Variants in SMYD3 observed in about 807,000 individuals in gnomAD.
SMYD3 encodes histone-lysine N-methyltransferase SMYD3.
A neutral mutation model predicts 57.7 loss-of-function variants in SMYD3; 36 were observed. The observed-to-expected ratio is 0.62, with a 90% CI of 0.48 to 0.82. The LOEUF is 0.82. SMYD3 is among the 40% of genes least tolerant of loss of function. The probability of loss-of-function intolerance (pLI) is 0.00; values close to 1 mark genes in which losing one functional copy is unlikely to be tolerated. For missense variants in SMYD3, 515 were observed against 538.8 expected (o/e 0.96, Z 0.44); for synonymous variants, 211 against 195.0 (o/e 1.08, Z -0.68).
intron 5 of SMYD3, among the ~76,000 whole-genome samples, chr1:246,314,544 C>T (rs773919161): frequency 1.3e-5 from 2 of 152,166 alleles, no homozygotes; most frequent in African/African-American, 2.4e-5. Context: ...GAGTGCGGCA[C>T]TAGGAAACTT....
intron 8 of SMYD3, among the ~76,000 whole-genome samples, chr1:245,877,796 C>T (rs2052568252): frequency 6.6e-6 from 1 of 152,146 alleles, no homozygotes; most frequent in Admixed American, 6.5e-5. Context: ...AAGATGTCTG[C>T]AGAGAATCCA....
chr1:246,052,872 T>C (rs1039436344), intron 5 of SMYD3: 3 of 152,330 alleles, frequency 2.0e-5, no homozygotes, highest in East Asian at 1.9e-4. Context: ...TGTCCTAGAA[T>C]AGGTGTTGCA....
intron 5 of SMYD3, among the ~76,000 whole-genome samples, chr1:246,040,670 G>C (rs1164315310): frequency 6.6e-6 from 1 of 152,054 alleles, no homozygotes; most frequent in Non-Finnish European, 1.5e-5. Context: ...ATGACTCATG[G>C]GGCTCCCGTA....
rs565219573 is a variant in SMYD3, at chr1:245,865,385, T to C, written c.814-1499A>G. On this transcript the variant is annotated intron_variant, in intron 8 of 11. Transcript: ENST00000490107. The stretch of plus-strand genomic sequence containing the variant: ...GTCTGATGTTTATTATGTGCAACAA[T>C]TCAGAGGTGAAATATTCTTCTTCCC... Among the ~76,000 whole-genome samples, 113 of 152,286 alleles carry C rather than the reference T, an allele frequency of 7.4e-4. 1 individual carries two copies. Among genetic ancestry groups the C allele is most frequent in the African/African-American group, 2.5e-3 (105 of 41,568 alleles).
At chr1:246,141,368 C>G (rs2061752868) in intron 5 of SMYD3, among the ~76,000 whole-genome samples, 2 of 152,206 alleles carry the variant, frequency 1.3e-5, no homozygotes, top group South Asian at 4.1e-4. Flanking sequence ...CAGGATACAG[C>G]TACCAAAAAG....
intron 10 of SMYD3, among the ~76,000 whole-genome samples, chr1:245,778,748 T>A (rs911994027): frequency 4.6e-5 from 7 of 152,296 alleles, no homozygotes; most frequent in African/African-American, 1.7e-4. Context: ...GGGGAAAATC[T>A]TCATGACCCT....
At chr1:246,129,077 T>A (rs139162257) in intron 5 of SMYD3, among the ~76,000 whole-genome samples, 365 of 152,186 alleles carry the variant, frequency 2.4e-3, no homozygotes, top group Non-Finnish European at 2.1e-3. Flanking sequence ...GGATTACAGG[T>A]GTGTGGCCCT....
intron 1 of SMYD3, among the ~76,000 whole-genome samples, chr1:246,407,831 C>T (rs866476304): frequency 1.5e-4 from 23 of 149,462 alleles, no homozygotes; most frequent in African/African-American, 5.6e-4. Context: ...AACAGCAAGA[C>T]TCCGTCTCAA....
chr1:246,130,312 T>C (rs1373632251), intron 5 of SMYD3, among the ~76,000 whole-genome samples: 1 of 152,170 alleles, frequency 6.6e-6, no homozygotes, highest in Non-Finnish European at 1.5e-5. Flanking sequence ...ATATTTTCAG[T>C]GTTATAAACA....
intron 5 of SMYD3, among the ~76,000 whole-genome samples, chr1:246,068,353 G>A (rs990438473): frequency 6.6e-6 from 1 of 151,108 alleles, no homozygotes; most frequent in Non-Finnish European, 1.5e-5. Context: ...CTGTTAAAAG[G>A]GTACAAATAT....
intron 1 of SMYD3, among the ~76,000 whole-genome samples, chr1:246,397,535 C>T (rs1017487452): frequency 1.3e-5 from 2 of 152,026 alleles, no homozygotes; most frequent in Non-Finnish European, 2.9e-5. Flanking sequence ...TGGAAAAAAA[C>T]AAATGTTTAT....
At chr1:246,187,013 G>A (rs1306963581) in intron 5 of SMYD3, 1 of 813,678 alleles carries the variant, frequency 1.2e-6, no homozygotes, top group South Asian at 5.6e-5. Flanking sequence ...ATACAAAGTA[G>A]GTGTGATGTG....
intron 1 of SMYD3, among the ~76,000 whole-genome samples, chr1:246,407,132 AAGGTGCTTATATCCCAC>A (rs145001587): frequency 0.065 from 9,866 of 152,260 alleles, 624 homozygotes; most frequent in East Asian, 0.32. Context: ...GAAGGAGACA[AAGGTGCTTATATCCCAC>A]ATTATCTGTC....
At chr1:246,250,790 A>G (rs915625016) in intron 5 of SMYD3, among the ~76,000 whole-genome samples, 9 of 152,230 alleles carry the variant, frequency 5.9e-5, no homozygotes, top group African/African-American at 2.2e-4. Context: ...CCATCTTTTA[A>G]TGATAGTTAA....
chr1:246,465,691 A>C (rs1388480381), intron 1 of SMYD3, among the ~76,000 whole-genome samples: 1 of 152,242 alleles, frequency 6.6e-6, no homozygotes, highest in Non-Finnish European at 1.5e-5. Flanking sequence ...ATTAAAAATC[A>C]TCTGGATTAT....
chr1:246,409,862 T>C (rs2066933507), intron 1 of SMYD3, among the ~76,000 whole-genome samples: 1 of 152,184 alleles, frequency 6.6e-6, no homozygotes, highest in Admixed American at 6.5e-5. Context: ...TGAGCAGTGG[T>C]TTATAGTTCT....
chr1:245,990,659 G>A (rs1296926424), intron 5 of SMYD3, among the ~76,000 whole-genome samples: 1 of 152,222 alleles, frequency 6.6e-6, no homozygotes, highest in Non-Finnish European at 1.5e-5. Flanking sequence ...GAAGGGATCA[G>A]GAGCCAAGAA....
intron 10 of SMYD3, among the ~76,000 whole-genome samples, chr1:245,774,354 C>A (rs548837486): frequency 6.6e-6 from 1 of 152,240 alleles, no homozygotes; most frequent in African/African-American, 2.4e-5. Context: ...AGATTACATG[C>A]AAGAGTCCCA....
At chr1:245,829,278 T>C (rs2049699006) in intron 10 of SMYD3, among the ~76,000 whole-genome samples, 1 of 152,128 alleles carries the variant, frequency 6.6e-6, no homozygotes, top group Admixed American at 6.5e-5. Flanking sequence ...TCAACAAGTA[T>C]TTATTGGGAG....
Sources: gnomAD v4.1 joint callset for allele counts (sites outside exome capture counted in the v4.1 genomes callset) on GRCh38, gnomAD v4.1.1 for gene constraint, MANE v1.5 for transcripts, NCBI Gene and HGNC (gene_info 2026-07-23, HGNC 2026-07-21) for gene names.